The following SYNPR variants were observed in gnomAD, a reference collection of about 807,000 sequenced individuals.
SYNPR encodes the protein synaptoporin.
In SYNPR, 23 loss-of-function variants were observed where a neutral mutation model predicts 32.9. The ratio of observed to expected loss-of-function variants is 0.70; its 90% CI spans 0.50 to 0.99. The LOEUF (loss-of-function observed/expected upper bound fraction) is 0.99, where lower values mean the gene tolerates loss of function less well. Among genes scored for constraint, SYNPR ranks in the 50% least tolerant of loss-of-function variants. The probability of loss-of-function intolerance (pLI) is 0.00; values close to 1 mark genes in which losing one functional copy is unlikely to be tolerated. For missense variants in SYNPR, 318 were observed against 349.3 expected (o/e 0.91, Z 0.71); for synonymous variants, 146 against 135.9 (o/e 1.07, Z -0.52).
intron 2 of SYNPR, among the ~76,000 whole-genome samples, chr3:63,297,471 G>T (rs569327657): frequency 6.6e-6 from 1 of 152,238 alleles, no homozygotes; most frequent in South Asian, 2.1e-4. Context: ...GTGCTAATTT[G>T]TTAGCAGTAT....
chr3:63,458,852 G>C (rs1700530629), intron 2 of SYNPR, among the ~76,000 whole-genome samples: 1 of 151,934 alleles, frequency 6.6e-6, no homozygotes, highest in Non-Finnish European at 1.5e-5. Flanking sequence ...CTCTTTCCTT[G>C]TAACCTATTT....
intron 3 of SYNPR, among the ~76,000 whole-genome samples, chr3:63,530,683 G>T (rs1702096512): frequency 6.6e-6 from 1 of 152,076 alleles, no homozygotes; most frequent in African/African-American, 2.4e-5. Context: ...GCTCTGCGGT[G>T]GGCACTAATG....
At chr3:63,442,163 TAGTGTG>T (rs1700189152) in intron 2 of SYNPR, among the ~76,000 whole-genome samples, 1 of 58,560 alleles carries the variant, frequency 1.7e-5, no homozygotes, top group Non-Finnish European at 3.4e-5. Context: ...ATGGTAGTGA[TAGTGTG>T]TGTGTGTGTG....
In SYNPR at chr3:63,595,897, A is replaced by G. The variant is rs1244530963; in HGVS notation, c.409-13228A>G. ...TAATTTTATATATATATAGTTTTAT[A>G]TATATAGTTATATATATATAGTTTT... On this transcript the variant is annotated intron_variant, in intron 4 of 5. Coordinates refer to ENST00000478300, the MANE Select transcript of SYNPR (RefSeq NM_001130003.2). 1.7e-3 allele frequency among the ~76,000 whole-genome samples: 157 copies of G among 92,494 alleles called. 3 individuals are homozygous for G. The highest frequency in any genetic ancestry group is 5.8e-3 in the African/African-American group (149 of 25,628). The allele number at this position is 92,494 out of a possible 152,430, so 60.7% of individuals were successfully genotyped here.
the SYNPR span, chr3:63,203,272 T>A: frequency 0.79 from 119,447 of 151,572 alleles, 47,689 homozygotes; most frequent in Middle Eastern, 0.86. Flanking sequence ...GGTCCCCCAG[T>A]ATCGTGTGGT....
rs1018226631 is a variant in SYNPR, at chr3:63,337,106, C to T, written c.84+58364C>T. ...AATTCTCTGGGTGTGGTGGCACATA[C>T]TTGTAATCCCAGCTACTTGGGAGGC... is the stretch of plus-strand genomic sequence containing the variant. On this transcript the variant is annotated intron_variant, in intron 2 of 5. Coordinates refer to ENST00000478300, the MANE Select transcript of SYNPR (RefSeq NM_001130003.2). Among the ~76,000 whole-genome samples, 13 of 151,876 alleles carry T rather than the reference C, an allele frequency of 8.6e-5. No homozygotes were observed. The East Asian group carries it at 1.8e-3, about 20-fold the overall frequency.
intron 2 of SYNPR, among the ~76,000 whole-genome samples, chr3:63,370,470 T>A (rs1022064889): frequency 2.0e-4 from 31 of 152,344 alleles, no homozygotes; most frequent in African/African-American, 7.2e-4. Flanking sequence ...TACTTCCTCT[T>A]AATAGAACTT....
At chr3:63,278,259 G>GT, upstream of SYNPR, 1 of 445,632 alleles carries the variant, frequency 2.2e-6, no homozygotes, top group African/African-American at 2.0e-5. Flanking sequence ...GGCTCCATGG[G>GT]TTTCCCCCTC....
chr3:63,282,006 A>C (rs1337466738), intron 2 of SYNPR, among the ~76,000 whole-genome samples: 1 of 152,128 alleles, frequency 6.6e-6, no homozygotes, highest in African/African-American at 2.4e-5. Flanking sequence ...AACATAGGGA[A>C]GCTGTGCAAT....
chr3:63,419,785 C>T (rs961326909), intron 2 of SYNPR, among the ~76,000 whole-genome samples: 1 of 152,134 alleles, frequency 6.6e-6, no homozygotes, highest in Non-Finnish European at 1.5e-5. Context: ...GTGAAGCTCT[C>T]ATGTGAAGGA....
At chr3:63,340,501 G>A (rs1159127319) in intron 2 of SYNPR, among the ~76,000 whole-genome samples, 1 of 143,020 alleles carries the variant, frequency 7.0e-6, no homozygotes, top group Non-Finnish European at 1.5e-5. Context: ...CTCACTGCAA[G>A]CTCCGCCTCC....
At chr3:63,209,530 G>T in the SYNPR span, among the ~76,000 whole-genome samples, 1 of 152,056 alleles carries the variant, frequency 6.6e-6, no homozygotes. Flanking sequence ...AAAACCTATA[G>T]GTCTGTGCCA....
intron 3 of SYNPR, among the ~76,000 whole-genome samples, chr3:63,494,942 A>G (rs1476782178): frequency 1.3e-5 from 2 of 152,140 alleles, no homozygotes; most frequent in South Asian, 2.1e-4. Flanking sequence ...CAAACCAGGA[A>G]GGTCAAGAGG....
Position 63,349,058 on chromosome 3 carries a change from C to A in SYNPR, c.84+70316C>A, listed in dbSNP as rs115473387. Reference sequence around the variant, plus strand: ...ACATTGAGTAGTTTGATAAGGACTGCATTAAATCTATAGATTGCTTTGGGC... The same window carrying A: ...ACATTGAGTAGTTTGATAAGGACTGAATTAAATCTATAGATTGCTTTGGGC... On this transcript the variant is annotated intron_variant, in intron 2 of 5. Coordinates refer to ENST00000478300, the MANE Select transcript of SYNPR (RefSeq NM_001130003.2). 7.7e-3 allele frequency among the ~76,000 whole-genome samples: 1,171 copies of A among 151,812 alleles called. 21 individuals are homozygous for A. Among genetic ancestry groups the A allele is most frequent in the African/African-American group, 0.027 (1,119 of 41,432 alleles).
intron 1 of SYNPR, among the ~76,000 whole-genome samples, chr3:63,240,627 A>T (rs1408815524): frequency 2.0e-5 from 3 of 152,138 alleles, no homozygotes; most frequent in Non-Finnish European, 4.4e-5. Context: ...CCAAGAAGCT[A>T]TTGTCCTGTA....
chr3:63,601,835 T>A (rs922022051), intron 4 of SYNPR, among the ~76,000 whole-genome samples: 1 of 152,212 alleles, frequency 6.6e-6, no homozygotes, highest in Admixed American at 6.5e-5. Context: ...TATACTCCTT[T>A]GGGTATATAC....
chr3:63,355,221 G>A (rs979493321), intron 2 of SYNPR, among the ~76,000 whole-genome samples: 6 of 151,698 alleles, frequency 4.0e-5, no homozygotes, highest in Admixed American at 2.6e-4. Context: ...GGAGGTTGCG[G>A]TGAGCCAAGA....
At chr3:63,322,315 C>G (rs1403056344) in intron 2 of SYNPR, among the ~76,000 whole-genome samples, 2 of 152,030 alleles carry the variant, frequency 1.3e-5, no homozygotes, top group Non-Finnish European at 2.9e-5. Context: ...CACATGTGGA[C>G]TAGGTACTGT....
intron 4 of SYNPR, among the ~76,000 whole-genome samples, chr3:63,570,318 T>C (rs895274105): frequency 3.9e-5 from 6 of 152,202 alleles, no homozygotes; most frequent in African/African-American, 9.6e-5. Context: ...TCTTCCAATC[T>C]GTTATTTCAA....
Sources: gnomAD v4.1 joint callset for allele counts (sites outside exome capture counted in the v4.1 genomes callset) on GRCh38, gnomAD v4.1.1 for gene constraint, MANE v1.5 for transcripts, NCBI Gene and HGNC (gene_info 2026-07-23, HGNC 2026-07-21) for gene names.